UBE2L3: variants seen among roughly 807,000 people sequenced by gnomAD.
UBE2L3 encodes the protein ubiquitin-conjugating enzyme E2 L3.
In UBE2L3, 1 loss-of-function variant was observed where a neutral mutation model predicts 17.8. That is an observed-to-expected ratio of 0.06 (90% CI 0.02 to 0.27). UBE2L3 has a LOEUF of 0.27. Among genes scored for constraint, UBE2L3 ranks in the 10% least tolerant of loss-of-function variants. UBE2L3 has a pLI of 1.00. For synonymous variants in UBE2L3, 44 were observed against 68.5 expected, an observed-to-expected ratio of 0.64 and a Z score of 1.76; for missense variants, 40 against 192.6, an observed-to-expected ratio of 0.21 and a Z score of 4.69.
At chr22:21,621,227 C>T in intron 3 of UBE2L3, among the ~76,000 whole-genome samples, 1 of 152,106 alleles carries the variant, frequency 6.6e-6, no homozygotes, top group East Asian at 1.9e-4. Context: ...TAAGACCTCC[C>T]CAGGTGTTAG....
At chr22:21,604,596 A>T (rs574697412) in intron 2 of UBE2L3, among the ~76,000 whole-genome samples, 14 of 152,108 alleles carry the variant, frequency 9.2e-5, no homozygotes, top group Non-Finnish European at 1.9e-4. Context: ...TAATATATAT[A>T]TTTTTTACAA....
intron 1 of UBE2L3, among the ~76,000 whole-genome samples, chr22:21,580,757 G>A (rs1927574795): frequency 6.6e-6 from 1 of 151,890 alleles, no homozygotes; most frequent in Admixed American, 6.6e-5. Flanking sequence ...CTTAATTTTT[G>A]TATTTTTAGT....
intron 1 of UBE2L3, among the ~76,000 whole-genome samples, chr22:21,570,256 A>G (rs1418858072): frequency 6.6e-6 from 1 of 152,036 alleles, no homozygotes; most frequent in African/African-American, 2.4e-5. Flanking sequence ...TGGAATCTCC[A>G]GGCTCTCAGG....
intron 1 of UBE2L3, among the ~76,000 whole-genome samples, chr22:21,577,294 G>A (rs750673082): frequency 4.6e-5 from 7 of 151,898 alleles, no homozygotes; most frequent in Non-Finnish European, 1.0e-4. Flanking sequence ...TAGTAGAGAC[G>A]GGGTTTCATG....
chr22:21,569,183 G>A (rs1454555765), intron 1 of UBE2L3, among the ~76,000 whole-genome samples: 1 of 152,074 alleles, frequency 6.6e-6, no homozygotes, highest in African/African-American at 2.4e-5. Context: ...ATCACTTGAG[G>A]TCAGGAGTTC....
At chr22:21,615,346 GA>G (rs1485733473) in intron 3 of UBE2L3, among the ~76,000 whole-genome samples, 1 of 151,984 alleles carries the variant, frequency 6.6e-6, no homozygotes, top group Non-Finnish European at 1.5e-5. Context: ...ACAAGGTCAG[GA>G]GATTGAGACC....
At chr22:21,557,744 A>G (rs1926288315) in intron 1 of UBE2L3, among the ~76,000 whole-genome samples, 1 of 152,256 alleles carries the variant, frequency 6.6e-6, no homozygotes, top group South Asian at 2.1e-4. Context: ...GATGATCTCG[A>G]TCTCCTGACC....
At chr22:21,580,875 A>G (rs145561659) in intron 1 of UBE2L3, among the ~76,000 whole-genome samples, 1 of 147,448 alleles carries the variant, frequency 6.8e-6, no homozygotes, top group Non-Finnish European at 1.5e-5. Context: ...ATGAGCCACC[A>G]TGCCTGGCCT....
At chr22:21,618,557 C>G (rs1215823110) in intron 3 of UBE2L3, among the ~76,000 whole-genome samples, 1 of 151,580 alleles carries the variant, frequency 6.6e-6, no homozygotes, top group Non-Finnish European at 1.5e-5. Context: ...GCCTGGGCGA[C>G]AGAGCGAGAC....
intron 2 of UBE2L3, among the ~76,000 whole-genome samples, chr22:21,602,283 A>G (rs570054113): frequency 6.6e-6 from 1 of 152,200 alleles, no homozygotes; most frequent in Non-Finnish European, 1.5e-5. Flanking sequence ...GATCCAAACT[A>G]GGATCCAGCT....
At position 21,582,539 on chromosome 22, in the gene UBE2L3, T is replaced by C. The variant is rs191844957; in HGVS notation, c.28-10322T>C. 3.5e-3 allele frequency among the ~76,000 whole-genome samples: 537 copies of C among 151,744 alleles called. 5 individuals carry two copies. Among genetic ancestry groups the C allele is most frequent in the South Asian group, 0.016 (78 of 4,802 alleles). ...TGGCTAATTTTTGTAGTTTTTTGTT[T>C]TTTGAGCCGGAGTTTCACTATTGTT... On this transcript the variant is annotated intron_variant, in intron 1 of 3. Coordinates refer to ENST00000342192, the MANE Select transcript of UBE2L3 (RefSeq NM_003347.4).
chr22:21,551,992 T>TACACACACACACACAC (rs750566572), intron 1 of UBE2L3, among the ~76,000 whole-genome samples: 1 of 99,770 alleles, frequency 1.0e-5, no homozygotes, highest in Non-Finnish European at 2.0e-5. Context: ...ACTGAAGAAA[T>TACACACACACACACAC]ACACACACAC....
chr22:21,566,879 A>G (rs1926658388), upstream of UBE2L3, among the ~76,000 whole-genome samples: 1 of 152,294 alleles, frequency 6.6e-6, no homozygotes, highest in South Asian at 2.1e-4. Flanking sequence ...CCCACCTGTG[A>G]CAGGAGCCTG....
chr22:21,588,901 A>G (rs1928100476), intron 1 of UBE2L3, among the ~76,000 whole-genome samples: 1 of 151,738 alleles, frequency 6.6e-6, no homozygotes, highest in East Asian at 2.0e-4. Flanking sequence ...TGACCTCGTG[A>G]TCTACCTGCC....
chr22:21,604,118 TC>T (rs1929020934), intron 2 of UBE2L3, among the ~76,000 whole-genome samples: 1 of 152,010 alleles, frequency 6.6e-6, no homozygotes, highest in Non-Finnish European at 1.5e-5. Flanking sequence ...TCAAATGACT[TC>T]CTCAATACAG....
At chr22:21,568,023 C>G in intron 1 of UBE2L3, 1 of 1,311,798 alleles carries the variant, frequency 7.6e-7, no homozygotes, top group South Asian at 2.1e-5. Flanking sequence ...TCACGCCACT[C>G]TCCGCCCGGA....
At chr22:21,572,779 C>T (rs1337498167) in intron 1 of UBE2L3, among the ~76,000 whole-genome samples, 1 of 152,148 alleles carries the variant, frequency 6.6e-6, no homozygotes, top group Admixed American at 6.5e-5. Flanking sequence ...GCATCTGAGT[C>T]TTAGCTCCTC....
At chr22:21,571,753 C>G (rs1161973276) in intron 1 of UBE2L3, among the ~76,000 whole-genome samples, 1 of 152,102 alleles carries the variant, frequency 6.6e-6, no homozygotes, top group African/African-American at 2.4e-5. Flanking sequence ...ATATTTTCTC[C>G]CAGTTCATAG....
chr22:21,614,275 T>G (rs1171371147), intron 3 of UBE2L3, among the ~76,000 whole-genome samples: 1 of 152,170 alleles, frequency 6.6e-6, no homozygotes, highest in Non-Finnish European at 1.5e-5. Context: ...CTTCATTTGT[T>G]TCTTAAATAT....
Sources: allele counts gnomAD v4.1 joint callset (sites outside exome capture counted in the v4.1 genomes callset), GRCh38; gene constraint gnomAD v4.1.1; transcripts MANE v1.5; gene names NCBI Gene and HGNC (gene_info 2026-07-23, HGNC 2026-07-21).